The following TTC39A variants were observed in gnomAD, a reference collection of about 807,000 sequenced individuals.
The protein encoded by TTC39A is tetratricopeptide repeat domain 39A.
In TTC39A, 46 loss-of-function variants were observed where a neutral mutation model predicts 82.3. The observed-to-expected ratio is 0.56, with a 90% CI of 0.44 to 0.71. The LOEUF is 0.71. Among genes scored for constraint, TTC39A ranks in the 30% least tolerant of loss-of-function variants. The pLI, the probability that TTC39A is intolerant of heterozygous loss-of-function variation, is 0.00. For synonymous variants in TTC39A, 254 were observed against 275.2 expected (o/e 0.92, Z 0.76); for missense variants, 543 against 712.9 (o/e 0.76, Z 2.71).
chr1:51,338,200 A>G (rs77692285), intron 1 of TTC39A, among the ~76,000 whole-genome samples: 4,835 of 152,282 alleles, frequency 0.032, 127 homozygotes, highest in Non-Finnish European at 0.051. Flanking sequence ...TACTGAAGCC[A>G]TTTCTGGGGG....
In TTC39A at chr1:51,301,281, C is replaced by T. The variant is rs1482753393; in HGVS notation, c.1053+291G>A. ...TTGTGCACATGTGGCTGGTGACTAC[C>T]ATATTTGGGCAGTGCATAAGTAGAA... is the stretch of plus-strand genomic sequence containing the variant. On this transcript the variant is annotated intron_variant, in intron 12 of 17. Transcript: ENST00000680483. The T allele has an allele frequency of 1.7e-5, 5 of 294,524 alleles. No individual in the cohort carries two copies. The East Asian group carries it at 2.3e-4, about 13-fold the overall frequency. The allele number at this position is 294,524 out of a possible 1,614,324, so 18.2% of individuals were successfully genotyped here. A position where few individuals can be genotyped will look rare whatever the true frequency, so the allele number is the denominator to read the frequency against.
At chr1:51,343,056 G>T (rs557243438) in intron 1 of TTC39A, 2 of 456,154 alleles carry the variant, frequency 4.4e-6, no homozygotes, top group Non-Finnish European at 8.8e-6. Context: ...TGCACAACTG[G>T]ATTCTCCCAG....
At chr1:51,334,469 C>T (rs1020437232), upstream of TTC39A, among the ~76,000 whole-genome samples, 15 of 151,854 alleles carry the variant, frequency 9.9e-5, no homozygotes, top group African/African-American at 2.7e-4. Context: ...CACTATTGCA[C>T]GCCAGCCTGG....
intron 1 of TTC39A, among the ~76,000 whole-genome samples, chr1:51,338,198 C>A (rs973249316): frequency 6.6e-6 from 1 of 152,168 alleles, no homozygotes; most frequent in Non-Finnish European, 1.5e-5. Flanking sequence ...GATACTGAAG[C>A]CATTTCTGGG....
chr1:51,328,155 C>A (rs1645782734), intron 1 of TTC39A, among the ~76,000 whole-genome samples: 1 of 152,166 alleles, frequency 6.6e-6, no homozygotes, highest in African/African-American at 2.4e-5. Context: ...TGAGACCAGT[C>A]TGGGCAACAA....
intron 12 of TTC39A, chr1:51,297,805 T>C (rs1478387470): frequency 6.6e-6 from 1 of 152,392 alleles, no homozygotes; most frequent in African/African-American, 2.4e-5. Flanking sequence ...TTAAGTCAGA[T>C]CATGTCAGTT....
intron 1 of TTC39A, among the ~76,000 whole-genome samples, chr1:51,339,458 T>C (rs1646009805): frequency 6.6e-6 from 1 of 152,302 alleles, no homozygotes; most frequent in South Asian, 2.1e-4. Context: ...AATCTTGGGC[T>C]AAGAGAAAAA....
At chr1:51,323,696 G>T (rs1195533599) in intron 1 of TTC39A, among the ~76,000 whole-genome samples, 3 of 152,040 alleles carry the variant, frequency 2.0e-5, no homozygotes, top group Non-Finnish European at 4.4e-5. Flanking sequence ...TCATTTCAAT[G>T]ATTATATTTT....
chr1:51,293,186 G>C (rs1188946504), intron 14 of TTC39A, among the ~76,000 whole-genome samples: 1 of 151,458 alleles, frequency 6.6e-6, no homozygotes, highest in Non-Finnish European at 1.5e-5. Context: ...TCCTGCCTCA[G>C]CCTCCCGAGT....
intron 12 of TTC39A, 60 bp downstream of exon 12, chr1:51,301,512 T>C: frequency 1.3e-6 from 2 of 1,520,266 alleles, no homozygotes; most frequent in Non-Finnish European, 1.8e-6. Context: ...TGGCCCGTGG[T>C]CTGGAGGCAC....
In TTC39A at chr1:51,330,378, C is replaced by T. The variant is rs1645865991; in HGVS notation, c.41+59G>A. ...GGGAGGCCTGGCGCGGCGCCCGCCACCTGCCCGGGCCCCAGCCCGCGCCGC... is the reference window on the plus strand; with the variant it reads ...GGGAGGCCTGGCGCGGCGCCCGCCATCTGCCCGGGCCCCAGCCCGCGCCGC... On this transcript the variant is annotated intron_variant, in intron 1 of 17. Transcript: ENST00000680483. This position sits in a 1 kb window ranked among gnomAD's most constrained non-coding sequence, Gnocchi z 4.5. 1 of 958,130 alleles carries T rather than the reference C, an allele frequency of 1.0e-6. No individual in the cohort carries two copies. The highest frequency in any genetic ancestry group is 1.2e-6 in the Non-Finnish European group (1 of 808,130). 59.4% of individuals were successfully genotyped at this position (958,130 alleles called of 1,614,324 possible).
At chr1:51,303,887 G>A (rs1358079329) in intron 8 of TTC39A, among the ~76,000 whole-genome samples, 2 of 152,142 alleles carry the variant, frequency 1.3e-5, no homozygotes, top group South Asian at 2.1e-4. Flanking sequence ...TGACCCATGC[G>A]CTTTCTTAAG....
chr1:51,309,545 T>G, intron 5 of TTC39A: 2 of 1,156,718 alleles, frequency 1.7e-6, no homozygotes, highest in South Asian at 4.1e-5. Context: ...ACTCTGTGCT[T>G]GGAGAGAGGC....
At position 51,322,458 on chromosome 1, in the gene TTC39A, T is replaced by C. The variant is rs144570019; in HGVS notation, c.42-633A>G. Among the ~76,000 whole-genome samples the C allele has an allele frequency of 4.0e-3, 610 of 152,350 alleles. 6 individuals carry two copies. Among genetic ancestry groups the C allele is most frequent in the African/African-American group, 0.014 (594 of 41,582 alleles). ...TATATTTTACTTATTTTTGTGTTTA[T>C]TGTCTGTCTCCCTCCACTAAACTAT... On this transcript the variant is annotated intron_variant, in intron 1 of 17. Coordinates refer to ENST00000680483, the MANE Select transcript of TTC39A (RefSeq NM_001297663.2).
At chr1:51,318,169 G>T (rs1440374115) in intron 2 of TTC39A, among the ~76,000 whole-genome samples, 2 of 152,240 alleles carry the variant, frequency 1.3e-5, no homozygotes, top group African/African-American at 4.8e-5. Flanking sequence ...GGTGCCTGAT[G>T]TGTCTGTGCT....
chr1:51,342,027 G>T (rs1381143918), intron 1 of TTC39A, among the ~76,000 whole-genome samples: 1 of 152,182 alleles, frequency 6.6e-6, no homozygotes, highest in Non-Finnish European at 1.5e-5. Flanking sequence ...CCCTCCCACA[G>T]CAGATCTGCC....
chr1:51,341,314 TGGA>T (rs925756117), intron 1 of TTC39A, among the ~76,000 whole-genome samples: 1 of 151,608 alleles, frequency 6.6e-6, no homozygotes, highest in African/African-American at 2.4e-5. Context: ...TTGTACTGAG[TGGA>T]GAAGCAGGTG....
At chr1:51,290,259 A>G in intron 15 of TTC39A, 140 bp from the exon 16 acceptor site, 4 of 808,132 alleles carry the variant, frequency 4.9e-6, no homozygotes, top group East Asian at 2.7e-5. Flanking sequence ...GGTCACATCT[A>G]AGAAGGAAAG....
At chr1:51,338,818 G>T (rs1325784001) in intron 1 of TTC39A, among the ~76,000 whole-genome samples, 1 of 151,916 alleles carries the variant, frequency 6.6e-6, no homozygotes, top group Non-Finnish European at 1.5e-5. Flanking sequence ...GTCCAGGCTG[G>T]TCTTGAACTC....
Sources: allele counts gnomAD v4.1 joint callset (sites outside exome capture counted in the v4.1 genomes callset), GRCh38; gene constraint gnomAD v4.1.1; non-coding constraint Gnocchi (gnomAD v3.1); transcripts MANE v1.5; gene names NCBI Gene and HGNC (gene_info 2026-07-23, HGNC 2026-07-21).